DEPTOR: variants seen among roughly 807,000 people sequenced by gnomAD.
DEPTOR encodes the protein DEP domain-containing mTOR-interacting protein.
In DEPTOR, 41 loss-of-function variants were observed where a neutral mutation model predicts 41.6. The ratio of observed to expected loss-of-function variants is 0.98; its 90% CI spans 0.77 to 1.28. The LOEUF (loss-of-function observed/expected upper bound fraction) is 1.28, where lower values mean the gene tolerates loss of function less well. DEPTOR is among the 50% of genes most tolerant of loss of function. DEPTOR has a pLI of 0.00. For synonymous variants in DEPTOR, 195 were observed against 192.3 expected, an observed-to-expected ratio of 1.01 and a Z score of -0.12; for missense variants, 514 against 527.9, an observed-to-expected ratio of 0.97 and a Z score of 0.26.
chr8:119,996,324 A>G (rs1008214830), intron 4 of DEPTOR, among the ~76,000 whole-genome samples: 2 of 152,226 alleles, frequency 1.3e-5, no homozygotes, highest in Non-Finnish European at 2.9e-5. Context: ...ACAGTAAAAA[A>G]CAACAGTGGT....
At chr8:119,957,836 A>C (rs1286181155) in intron 3 of DEPTOR, among the ~76,000 whole-genome samples, 1 of 151,828 alleles carries the variant, frequency 6.6e-6, no homozygotes, top group South Asian at 2.1e-4. Context: ...TGATTCGCCC[A>C]CCTTGGCCTC....
At chr8:119,984,463 C>T (rs1033953720) in intron 4 of DEPTOR, among the ~76,000 whole-genome samples, 1 of 152,108 alleles carries the variant, frequency 6.6e-6, no homozygotes, top group Non-Finnish European at 1.5e-5. Context: ...GTTCCCCTCC[C>T]TGTGTCCATG....
rs372078450 is a variant in DEPTOR, at chr8:119,915,636, C to T, written c.123-12764C>T. Among the ~76,000 whole-genome samples, 5 of 152,180 alleles carry T rather than the reference C, an allele frequency of 3.3e-5. No individual in the cohort carries two copies. The East Asian group carries it at 5.8e-4, about 18-fold the overall frequency. On this transcript the variant is annotated intron_variant, in intron 1 of 8. Transcript: ENST00000286234. Reference sequence around the variant, plus strand: ...GGCAAGTTACCTAACTTCTGTAAGTCTCCGTTTTTCCAGCTGTAAAACAGT... The same window carrying T: ...GGCAAGTTACCTAACTTCTGTAAGTTTCCGTTTTTCCAGCTGTAAAACAGT...
At chr8:119,900,016 A>G (rs963137398) in intron 1 of DEPTOR, among the ~76,000 whole-genome samples, 2 of 152,140 alleles carry the variant, frequency 1.3e-5, no homozygotes, top group Non-Finnish European at 2.9e-5. Flanking sequence ...TATAAATTCT[A>G]TGTGACAAAA....
At chr8:119,968,580 G>A (rs972586640) in intron 4 of DEPTOR, among the ~76,000 whole-genome samples, 2 of 152,136 alleles carry the variant, frequency 1.3e-5, no homozygotes, top group African/African-American at 4.8e-5. Flanking sequence ...GGGATTACAG[G>A]CGTAAGCCAC....
At chr8:119,925,581 G>A (rs989385766) in intron 1 of DEPTOR, among the ~76,000 whole-genome samples, 3 of 152,002 alleles carry the variant, frequency 2.0e-5, no homozygotes, top group African/African-American at 4.8e-5. Flanking sequence ...ATTTGGGTGG[G>A]GACACAGTCA....
At chr8:120,035,369 G>T (rs566451438) in intron 8 of DEPTOR, among the ~76,000 whole-genome samples, 1 of 152,098 alleles carries the variant, frequency 6.6e-6, no homozygotes, top group East Asian at 1.9e-4. Flanking sequence ...TCTTGCTGTT[G>T]GAACCCCTCC....
rs1363344581 is a variant in DEPTOR, at chr8:120,003,034, G to A, written c.848G>A (p.Ser283Asn). The change falls in exon 6 of 9, where the codon AGC (serine) becomes AAC (asparagine). Residue 283 changes from serine (S) to asparagine (N), a missense_variant. Coordinates refer to ENST00000286234, the MANE Select transcript of DEPTOR (RefSeq NM_022783.4). ...VSAVRRSSMS[S>N]CGSSGYFSSS... ...GCAGTGAGGAGAAGCAGCATGAGCA[G>A]CTGTGGCAGCAGCGGCTACTTCAGC... 3 of 1,609,092 alleles carry A rather than the reference G, an allele frequency of 1.9e-6. No homozygotes were observed.
chr8:119,903,092 G>A (rs1026675569), intron 1 of DEPTOR, among the ~76,000 whole-genome samples: 39 of 152,096 alleles, frequency 2.6e-4, no homozygotes, highest in African/African-American at 7.2e-5. Flanking sequence ...AGTAATATTC[G>A]TTGGCTGGGT....
chr8:120,009,191 T>G (rs1812494156), intron 8 of DEPTOR, 58 bp downstream of exon 8: 1 of 1,467,820 alleles, frequency 6.8e-7, no homozygotes, highest in Non-Finnish European at 9.4e-7. Flanking sequence ...TCATGCTAAA[T>G]TGGCCATGAT....
chr8:119,972,407 G>T (rs1267255204), intron 4 of DEPTOR, among the ~76,000 whole-genome samples: 1 of 152,142 alleles, frequency 6.6e-6, no homozygotes, highest in Non-Finnish European at 1.5e-5. Context: ...CGGATCACTT[G>T]AGGTCAGGAG....
intron 1 of DEPTOR, among the ~76,000 whole-genome samples, chr8:119,921,995 T>G (rs1827902296): frequency 6.6e-6 from 1 of 152,028 alleles, no homozygotes; most frequent in African/African-American, 2.4e-5. Flanking sequence ...CCCAGCACTT[T>G]GGGAGGCCGA....
At chr8:119,999,325 T>A (rs1386385698) in intron 4 of DEPTOR, among the ~76,000 whole-genome samples, 6 of 151,978 alleles carry the variant, frequency 3.9e-5, no homozygotes, top group African/African-American at 1.4e-4. Flanking sequence ...TATCCCAAGC[T>A]GTTGTGATAA....
intron 1 of DEPTOR, among the ~76,000 whole-genome samples, chr8:119,905,614 A>ATATGGGCT (rs1354457810): frequency 6.8e-6 from 1 of 146,222 alleles, no homozygotes; most frequent in Non-Finnish European, 1.5e-5. Flanking sequence ...TTTTTCCCCA[A>ATATGGGCT]TATGGGCTTT....
intron 3 of DEPTOR, among the ~76,000 whole-genome samples, chr8:119,949,402 C>T (rs899983551): frequency 1.3e-5 from 2 of 152,106 alleles, no homozygotes; most frequent in Non-Finnish European, 2.9e-5. Context: ...AGTAGAATGG[C>T]GGGATCATAC....
intron 3 of DEPTOR, among the ~76,000 whole-genome samples, chr8:119,935,999 G>GTTTTTTTTTTTTTTTTTTTTTTTTTTTTT: frequency 8.1e-6 from 1 of 123,876 alleles, no homozygotes; most frequent in Non-Finnish European, 1.6e-5. Flanking sequence ...TAGTCTAGTT[G>GTTTTTTTTTTTTTTTTTTTTTTTTTTTTT]TTTTTTTTTT....
intron 4 of DEPTOR, among the ~76,000 whole-genome samples, chr8:119,974,091 G>A (rs185157714): frequency 6.6e-6 from 1 of 152,050 alleles, no homozygotes; most frequent in African/African-American, 2.4e-5. Context: ...GGGAAGAGGA[G>A]AGGGAAGGAA....
intron 3 of DEPTOR, among the ~76,000 whole-genome samples, chr8:119,936,364 G>T (rs1467573747): frequency 6.6e-6 from 1 of 152,112 alleles, no homozygotes; most frequent in Non-Finnish European, 1.5e-5. Flanking sequence ...TGTTGTGATC[G>T]CTATAAGCTG....
chr8:120,006,645 A>AT (rs1812442406), intron 6 of DEPTOR, among the ~76,000 whole-genome samples, 160 bp from the exon 7 acceptor site: 1 of 150,680 alleles, frequency 6.6e-6, no homozygotes, highest in Non-Finnish European at 1.5e-5. Context: ...GTTTGCTGCT[A>AT]TTTACTGTCT....
Sources: gnomAD v4.1 joint callset for allele counts (sites outside exome capture counted in the v4.1 genomes callset) on GRCh38, gnomAD v4.1.1 for gene constraint, MANE v1.5 for transcripts, NCBI Gene and HGNC (gene_info 2026-07-23, HGNC 2026-07-21) for gene names.